INPP4B: variants seen among roughly 807,000 people sequenced by gnomAD.
INPP4B encodes the protein inositol polyphosphate-4-phosphatase type II B.
A neutral mutation model predicts 122.5 loss-of-function variants in INPP4B; 55 were observed. The ratio of observed to expected loss-of-function variants is 0.45; its 90% CI spans 0.36 to 0.56. The LOEUF is 0.56. INPP4B is among the 20% of genes least tolerant of loss of function. The probability of loss-of-function intolerance (pLI) is 0.00; values close to 1 mark genes in which losing one functional copy is unlikely to be tolerated. For synonymous variants in INPP4B, 403 were observed against 388.7 expected, an observed-to-expected ratio of 1.04 and a Z score of -0.43; for missense variants, 1,000 against 1,097.7, an observed-to-expected ratio of 0.91 and a Z score of 1.26.
At chr4:142,708,953 C>G (rs1015848885) in intron 2 of INPP4B, among the ~76,000 whole-genome samples, 1 of 152,110 alleles carries the variant, frequency 6.6e-6, no homozygotes, top group Non-Finnish European at 1.5e-5. Context: ...CTTTCTAGCC[C>G]TCCACTGTGG....
At chr4:142,113,675 A>T (rs1335754595) in intron 21 of INPP4B, among the ~76,000 whole-genome samples, 1 of 151,948 alleles carries the variant, frequency 6.6e-6, no homozygotes, top group East Asian at 1.9e-4. Flanking sequence ...TTCTTTGTTT[A>T]ATTGCTCTCA....
At chr4:142,411,484 T>C (rs974195742) in intron 5 of INPP4B, among the ~76,000 whole-genome samples, 3 of 152,218 alleles carry the variant, frequency 2.0e-5, no homozygotes, top group African/African-American at 7.2e-5. Flanking sequence ...TCACCTCTTA[T>C]GCCCTCTACA....
chr4:142,806,209 G>A (rs1441460901), intron 1 of INPP4B, among the ~76,000 whole-genome samples: 1 of 148,438 alleles, frequency 6.7e-6, no homozygotes, highest in African/African-American at 2.5e-5. Context: ...AACCCGGGAG[G>A]CGGAGCTTGC....
At chr4:142,494,397 C>T (rs77840128) in intron 2 of INPP4B, among the ~76,000 whole-genome samples, 24,307 of 151,982 alleles carry the variant, frequency 0.16, 2,339 homozygotes, top group Non-Finnish European at 0.22. Flanking sequence ...CCATAAAATA[C>T]AGGCTTTTAA....
chr4:142,731,686 C>T (rs894743304), intron 1 of INPP4B, among the ~76,000 whole-genome samples: 1 of 151,822 alleles, frequency 6.6e-6, no homozygotes, highest in Non-Finnish European at 1.5e-5. Context: ...AAACCCCCCA[C>T]AAGAAAGTGG....
At chr4:142,687,084 A>T (rs557569605) in intron 2 of INPP4B, among the ~76,000 whole-genome samples, 174 of 152,168 alleles carry the variant, frequency 1.1e-3, no homozygotes, top group Non-Finnish European at 1.8e-3. Flanking sequence ...TGTTTCTAAC[A>T]AGATGGGGGA....
intron 7 of INPP4B, among the ~76,000 whole-genome samples, chr4:142,348,466 G>A (rs1579810506): frequency 2.0e-5 from 3 of 151,994 alleles, no homozygotes; most frequent in East Asian, 1.9e-4. Context: ...TCCAGCACCA[G>A]CTTCTCCCTC....
chr4:142,071,556 A>T (rs1218990914), intron 25 of INPP4B, among the ~76,000 whole-genome samples: 1 of 152,210 alleles, frequency 6.6e-6, no homozygotes, highest in African/African-American at 2.4e-5. Flanking sequence ...GGCAACCTAC[A>T]GAATGGGAGA....
intron 11 of INPP4B, among the ~76,000 whole-genome samples, chr4:142,250,121 C>A (rs1005755366): frequency 2.0e-5 from 3 of 152,054 alleles, no homozygotes; most frequent in Non-Finnish European, 4.4e-5. Flanking sequence ...AATTAAGGTA[C>A]TTATATATCT....
intron 20 of INPP4B, among the ~76,000 whole-genome samples, chr4:142,122,932 T>C (rs1172910218): frequency 6.6e-6 from 1 of 152,104 alleles, no homozygotes; most frequent in Non-Finnish European, 1.5e-5. Context: ...ACTAGACACA[T>C]TTCAATTACC....
chr4:142,544,938 T>C (rs1829380867), intron 2 of INPP4B, among the ~76,000 whole-genome samples: 1 of 152,152 alleles, frequency 6.6e-6, no homozygotes, highest in African/African-American at 2.4e-5. Flanking sequence ...CTTACGAAAA[T>C]ATATTTTATA....
chr4:142,555,798 G>C (rs766719782), intron 2 of INPP4B, among the ~76,000 whole-genome samples: 2 of 150,964 alleles, frequency 1.3e-5, no homozygotes, highest in Non-Finnish European at 2.9e-5. Context: ...GTGAACCCGG[G>C]AGGCAGAGCT....
At chr4:142,045,332 C>T (rs1578712075) in intron 25 of INPP4B, among the ~76,000 whole-genome samples, 2 of 152,218 alleles carry the variant, frequency 1.3e-5, no homozygotes, top group East Asian at 1.9e-4. Context: ...GATTATGCCA[C>T]AATGCCTTTG....
At chr4:142,534,910 C>T (rs1057469021) in intron 2 of INPP4B, among the ~76,000 whole-genome samples, 1 of 151,958 alleles carries the variant, frequency 6.6e-6, no homozygotes, top group African/African-American at 2.4e-5. Flanking sequence ...CTCTTTATTA[C>T]AGGTATAGCA....
At chr4:142,642,566 T>TG (rs1303077043) in intron 2 of INPP4B, among the ~76,000 whole-genome samples, 10 of 152,208 alleles carry the variant, frequency 6.6e-5, no homozygotes, top group African/African-American at 1.2e-4. Flanking sequence ...TTGTCAAAGA[T>TG]CAGATAGTTG....
rs1423356041 is a variant in INPP4B at position 142,025,989 on chromosome 4, T to C, written c.*2793A>G. The C allele has an allele frequency of 6.6e-6, 1 of 152,196 alleles. No individual in the cohort carries two copies. The highest frequency in any genetic ancestry group is 1.9e-4 in the East Asian group (1 of 5,188). 9.4% of individuals were successfully genotyped at this position (152,196 alleles called of 1,614,324 possible). On this transcript the variant is annotated 3_prime_UTR_variant, in exon 26 of 26. Coordinates refer to ENST00000262992, the MANE Select transcript of INPP4B (RefSeq NM_001101669.3). ...TCCTTGTCTTTAAATATGTTTTTCC[T>C]AGGGCTCAGTAAATAGCTAATCCAG...
chr4:142,480,213 T>C (rs1456421212), intron 2 of INPP4B, among the ~76,000 whole-genome samples: 1 of 152,204 alleles, frequency 6.6e-6, no homozygotes, highest in Non-Finnish European at 1.5e-5. Flanking sequence ...TGTTTTTAGT[T>C]TGTATATGTT....
At chr4:142,034,802 TCTC>T (rs1742822499) in intron 25 of INPP4B, among the ~76,000 whole-genome samples, 1 of 152,150 alleles carries the variant, frequency 6.6e-6, no homozygotes, top group East Asian at 1.9e-4. Flanking sequence ...ATAACTAACT[TCTC>T]CTGTCCTTTC....
At chr4:142,124,110 G>A (rs1343426501) in intron 19 of INPP4B, among the ~76,000 whole-genome samples, 4 of 151,928 alleles carry the variant, frequency 2.6e-5, no homozygotes, top group East Asian at 1.9e-4. Flanking sequence ...CCTCCTATTC[G>A]AGCCTTACTG....
Sources: gnomAD v4.1 joint callset for allele counts (sites outside exome capture counted in the v4.1 genomes callset) on GRCh38, gnomAD v4.1.1 for gene constraint, MANE v1.5 for transcripts, NCBI Gene and HGNC (gene_info 2026-07-23, HGNC 2026-07-21) for gene names.